SUSD4: variants seen among roughly 807,000 people sequenced by gnomAD.
The protein encoded by SUSD4 is sushi domain-containing protein 4.
A neutral mutation model predicts 50.5 loss-of-function variants in SUSD4; 41 were observed. That is an observed-to-expected ratio of 0.81 (90% CI 0.63 to 1.05). SUSD4 has a LOEUF of 1.05. Ranked by LOEUF, SUSD4 falls within the 50% of genes least tolerant of loss-of-function variation. The probability of loss-of-function intolerance (pLI) is 0.00; values close to 1 mark genes in which losing one functional copy is unlikely to be tolerated. For missense variants in SUSD4, 580 were observed against 634.7 expected (o/e 0.91, Z 0.93); for synonymous variants, 257 against 257.3 (o/e 1.00, Z 0.01).
At chr1:223,230,961 T>A (rs1203157267) in intron 5 of SUSD4, among the ~76,000 whole-genome samples, 1 of 152,084 alleles carries the variant, frequency 6.6e-6, no homozygotes, top group African/African-American at 2.4e-5. Flanking sequence ...GACTTGAGTA[T>A]CTAAAGAGAT....
intron 3 of SUSD4, among the ~76,000 whole-genome samples, chr1:223,280,791 T>A (rs1398692676): frequency 6.6e-6 from 1 of 152,206 alleles, no homozygotes; most frequent in Non-Finnish European, 1.5e-5. Flanking sequence ...TACATTCTTT[T>A]CAGCACCACA....
chr1:223,255,590 C>T (rs1042991385), intron 5 of SUSD4, among the ~76,000 whole-genome samples: 1 of 152,142 alleles, frequency 6.6e-6, no homozygotes, highest in African/African-American at 2.4e-5. Context: ...CCAGGGAACT[C>T]CCAGGGCCTT....
intron 5 of SUSD4, among the ~76,000 whole-genome samples, chr1:223,237,799 C>A (rs966455616): frequency 6.6e-6 from 1 of 151,804 alleles, no homozygotes; most frequent in Non-Finnish European, 1.5e-5. Flanking sequence ...TATTGATCTG[C>A]GATTTTCTTT....
rs565922446 is a variant in SUSD4, at chr1:223,343,729, T to G, written c.148+19549A>C. Among the ~76,000 whole-genome samples the G allele has an allele frequency of 2.6e-5, 4 of 152,330 alleles. No individual in the cohort carries two copies. The East Asian group carries it at 5.8e-4, about 22-fold the overall frequency. The stretch of plus-strand genomic sequence containing the variant: ...TAAAAAATTCAACAATGAATATGCA[T>G]ACATCTGCATATATATAGCTGCTTT... On this transcript the variant is annotated intron_variant, in intron 2 of 8. Coordinates refer to ENST00000366878, the MANE Select transcript of SUSD4 (RefSeq NM_017982.4).
intron 2 of SUSD4, among the ~76,000 whole-genome samples, chr1:223,299,015 T>C (rs1430857496): frequency 6.6e-6 from 1 of 152,188 alleles, no homozygotes; most frequent in Admixed American, 6.5e-5. Flanking sequence ...GATGAGATGG[T>C]ACAAGAAGAA....
At position 223,229,184 on chromosome 1, in the gene SUSD4, C is replaced by G. The variant is rs76074479; in HGVS notation, c.916+13G>C. 1.1e-5 allele frequency: 18 copies of G among 1,588,796 alleles called. No homozygotes were observed. The East Asian group carries it at 3.4e-4, about 30-fold the overall frequency. ...GGGTCCATCTCCTCCAAGGGTGAGG[C>G]CTTCAGTCTTACCTGATTTGATGCA... On this transcript the variant is annotated intron_variant, in intron 6 of 8. Coordinates refer to ENST00000366878, the MANE Select transcript of SUSD4 (RefSeq NM_017982.4). The surrounding 1 kb of genome is among the most constrained non-coding windows in gnomAD (Gnocchi z 4.7).
At chr1:223,302,628 T>A (rs1167718648) in intron 2 of SUSD4, among the ~76,000 whole-genome samples, 1 of 152,154 alleles carries the variant, frequency 6.6e-6, no homozygotes, top group African/African-American at 2.4e-5. Context: ...CCTGCCCCAA[T>A]GATAGGTAGC....
At chr1:223,315,262 G>A (rs780960643) in intron 2 of SUSD4, among the ~76,000 whole-genome samples, 3 of 152,228 alleles carry the variant, frequency 2.0e-5, no homozygotes, top group Admixed American at 6.5e-5. Context: ...CAGGTTAGGA[G>A]GACGTTAGAA....
At chr1:223,261,910 T>C (rs1195417154) in intron 5 of SUSD4, among the ~76,000 whole-genome samples, 1 of 152,186 alleles carries the variant, frequency 6.6e-6, no homozygotes, top group East Asian at 1.9e-4. Flanking sequence ...ACAAGCCAAG[T>C]AGGACTCATC....
intron 5 of SUSD4, among the ~76,000 whole-genome samples, chr1:223,260,795 C>T (rs1038656705): frequency 1.1e-4 from 16 of 152,220 alleles, no homozygotes; most frequent in African/African-American, 3.6e-4. Flanking sequence ...CCCACATCTT[C>T]GTAGTGGGCT....
chr1:223,295,485 G>A (rs573579650), intron 2 of SUSD4, among the ~76,000 whole-genome samples: 1 of 152,278 alleles, frequency 6.6e-6, no homozygotes, highest in Admixed American at 6.5e-5. Flanking sequence ...AGGGCAAGAT[G>A]AGTGTGCCAT....
At chr1:223,264,889 C>T in intron 4 of SUSD4, 71 bp from the exon 5 acceptor site, 1 of 1,491,928 alleles carries the variant, frequency 6.7e-7, no homozygotes, top group South Asian at 1.3e-5. Context: ...TCACACAGAA[C>T]ACTGGAACTT....
At chr1:223,326,836 C>CA (rs1448647550) in intron 2 of SUSD4, among the ~76,000 whole-genome samples, 1 of 152,008 alleles carries the variant, frequency 6.6e-6, no homozygotes, top group Non-Finnish European at 1.5e-5. Context: ...ACTAAAAAGT[C>CA]AAAAAACAAT....
At position 223,363,430 on chromosome 1, in the gene SUSD4, C is replaced by G; in HGVS notation, c.-5G>C. The G allele has an allele frequency of 6.5e-7, 1 of 1,547,406 alleles. No individual in the cohort carries two copies. Among genetic ancestry groups the G allele is most frequent in the Non-Finnish European group, 8.7e-7 (1 of 1,144,634 alleles). ...CGGGTTCATTCCATGATACATCTTT[C>G]ATCCACAGAGGGCATCCAGCTTGCA... On this transcript the variant is annotated 5_prime_UTR_variant, in exon 2 of 9. It removes an upstream start codon present in the reference 5' UTR. Transcript: ENST00000366878.
At chr1:223,252,968 G>A (rs1003998067) in intron 5 of SUSD4, among the ~76,000 whole-genome samples, 6 of 152,148 alleles carry the variant, frequency 3.9e-5, no homozygotes, top group African/African-American at 1.4e-4. Context: ...AGTGCAGCCT[G>A]TAGTACCAGC....
intron 7 of SUSD4, among the ~76,000 whole-genome samples, chr1:223,224,673 C>T (rs577303132): frequency 6.3e-4 from 96 of 152,128 alleles, no homozygotes; most frequent in African/African-American, 2.2e-3. Context: ...GGCTCCCTCA[C>T]GTGGGCGCGC....
chr1:223,241,144 C>T (rs536092729), intron 5 of SUSD4, among the ~76,000 whole-genome samples: 1 of 152,300 alleles, frequency 6.6e-6, no homozygotes, highest in South Asian at 2.1e-4. Flanking sequence ...GCAGTTTTGG[C>T]TGTGGTTAGC....
intron 2 of SUSD4, among the ~76,000 whole-genome samples, chr1:223,297,123 T>A (rs1664879313): frequency 6.6e-6 from 1 of 152,140 alleles, no homozygotes; most frequent in Non-Finnish European, 1.5e-5. Context: ...TCTGAAAGCA[T>A]CCACTAACTG....
At chr1:223,254,690 G>A (rs969113602) in intron 5 of SUSD4, among the ~76,000 whole-genome samples, 1 of 152,070 alleles carries the variant, frequency 6.6e-6, no homozygotes, top group African/African-American at 2.4e-5. Flanking sequence ...TTTGATATAG[G>A]AAAAGAAAAA....
Sources: allele counts gnomAD v4.1 joint callset (sites outside exome capture counted in the v4.1 genomes callset), GRCh38; gene constraint gnomAD v4.1.1; non-coding constraint Gnocchi (gnomAD v3.1); transcripts MANE v1.5; gene names NCBI Gene and HGNC (gene_info 2026-07-23, HGNC 2026-07-21).